Variants in GDPD5 observed in about 807,000 individuals in gnomAD.
The protein encoded by GDPD5 is glycerophosphodiester phosphodiesterase 2.
Under a neutral mutation model 75.1 loss-of-function variants are expected in GDPD5, and 48 were observed. The observed-to-expected ratio is 0.64, with a 90% CI of 0.51 to 0.81. The LOEUF is 0.81. GDPD5 is among the 40% of genes least tolerant of loss of function. The probability of loss-of-function intolerance (pLI) is 0.00; values close to 1 mark genes in which losing one functional copy is unlikely to be tolerated. For synonymous variants in GDPD5, 336 were observed against 339.0 expected (o/e 0.99, Z 0.10); for missense variants, 706 against 822.6 (o/e 0.86, Z 1.73).
intron 2 of GDPD5, 57 bp from the exon 3 acceptor site, chr11:75,477,852 C>G (rs1949813464): frequency 1.7e-6 from 1 of 600,700 alleles, no homozygotes; most frequent in African/African-American, 1.9e-5. Context: ...TCAGGCACCA[C>G]ACAGCAAGTC....
chr11:75,474,009 C>T (rs1381296711), intron 3 of GDPD5, among the ~76,000 whole-genome samples: 1 of 152,172 alleles, frequency 6.6e-6, no homozygotes, highest in Non-Finnish European at 1.5e-5. Flanking sequence ...GGTAGCAGGA[C>T]AGGTTTGTTG....
At chr11:75,441,095 G>T in intron 14 of GDPD5, 68 bp downstream of exon 14, 1 of 1,500,416 alleles carries the variant, frequency 6.7e-7, no homozygotes, top group Non-Finnish European at 9.2e-7. Context: ...AGAGCTTGCC[G>T]AGTGGTCAGG....
chr11:75,475,255 C>A (rs1403253830), intron 3 of GDPD5, among the ~76,000 whole-genome samples: 1 of 152,194 alleles, frequency 6.6e-6, no homozygotes, highest in African/African-American at 2.4e-5. Flanking sequence ...TGAACCCAGG[C>A]TTCTCTGAGT....
chr11:75,485,964 C>G (rs1331004119), intron 2 of GDPD5, among the ~76,000 whole-genome samples: 1 of 152,168 alleles, frequency 6.6e-6, no homozygotes, highest in Non-Finnish European at 1.5e-5. Flanking sequence ...CCGTGGCTGC[C>G]CTCGCGGGGC....
intron 1 of GDPD5, among the ~76,000 whole-genome samples, chr11:75,515,434 T>C (rs535687741): frequency 6.6e-6 from 1 of 152,324 alleles, no homozygotes; most frequent in African/African-American, 2.4e-5. Context: ...AGACTCCCCA[T>C]CACAAGGCCT....
intron 6 of GDPD5, chr11:75,455,217 G>A: frequency 2.2e-6 from 1 of 444,548 alleles, no homozygotes; most frequent in African/African-American, 2.0e-5. Flanking sequence ...CTGAGAGCCA[G>A]GCATGGCCCC....
chr11:75,520,257 G>C (rs1271306642), intron 1 of GDPD5, among the ~76,000 whole-genome samples: 1 of 152,230 alleles, frequency 6.6e-6, no homozygotes, highest in African/African-American at 2.4e-5. Flanking sequence ...CGAGGGGATG[G>C]GCAAGAAGAC....
chr11:75,457,313 T>C (rs1436719527), intron 5 of GDPD5, among the ~76,000 whole-genome samples: 1 of 152,062 alleles, frequency 6.6e-6, no homozygotes, highest in African/African-American at 2.4e-5. Flanking sequence ...GGGGCAAACA[T>C]TCCAGGAAGG....
At chr11:75,444,582 C>G (rs1948940828) in intron 9 of GDPD5, 87 bp from the exon 10 acceptor site, 1 of 1,019,978 alleles carries the variant, frequency 9.8e-7, no homozygotes, top group South Asian at 1.3e-5. Context: ...TGTTGGGAGG[C>G]TGGGCTAGGC....
intron 11 of GDPD5, 50 bp from the exon 12 acceptor site, chr11:75,442,631 G>T (rs1383450629): frequency 6.4e-7 from 1 of 1,569,040 alleles, no homozygotes; most frequent in Non-Finnish European, 8.7e-7. Flanking sequence ...CCCTTTGGGG[G>T]CCCCCACATA....
rs1948861801 is a variant in GDPD5, at chr11:75,442,828, C to T, written c.949-247G>A. On this transcript the variant is annotated intron_variant, in intron 11 of 16. Transcript: ENST00000336898. ...TCGCTCCCAGACCCACAGCATTTCTCCTTCTAGAGCATTTCAGATCAGAGA... is the reference window on the plus strand; with the variant it reads ...TCGCTCCCAGACCCACAGCATTTCTTCTTCTAGAGCATTTCAGATCAGAGA... 2.2e-5 allele frequency: 13 copies of T among 602,270 alleles called. No homozygotes were observed. In the South Asian group the frequency reaches 2.6e-4, roughly 12 times the overall value. The allele number at this position is 602,270 out of a possible 1,614,324, so 37.3% of individuals were successfully genotyped here. A position where few individuals can be genotyped will look rare whatever the true frequency, so the allele number is the denominator to read the frequency against.
chr11:75,458,238 C>T (rs903721103), intron 4 of GDPD5, among the ~76,000 whole-genome samples: 2 of 152,212 alleles, frequency 1.3e-5, no homozygotes, highest in African/African-American at 4.8e-5. Context: ...ACAGGCTTCA[C>T]TGATTCTAAG....
At chr11:75,510,126 G>T (rs1950484773) in intron 1 of GDPD5, among the ~76,000 whole-genome samples, 1 of 152,246 alleles carries the variant, frequency 6.6e-6, no homozygotes, top group African/African-American at 2.4e-5. Flanking sequence ...GAAAGCACGA[G>T]GGGCAAAGTT....
intron 1 of GDPD5, among the ~76,000 whole-genome samples, chr11:75,503,337 A>G (rs1052957675): frequency 4.6e-5 from 7 of 152,212 alleles, no homozygotes; most frequent in African/African-American, 1.7e-4. Flanking sequence ...GTTCCTATAT[A>G]AAGTCACTAA....
intron 4 of GDPD5, 78 bp from the exon 5 acceptor site, chr11:75,457,864 TC>T: frequency 1.8e-6 from 2 of 1,104,910 alleles, no homozygotes; most frequent in South Asian, 1.3e-5. Context: ...GGTCTGAGCC[TC>T]CACACAGACG....
chr11:75,514,670 G>C (rs1950600104), intron 1 of GDPD5, among the ~76,000 whole-genome samples: 2 of 152,232 alleles, frequency 1.3e-5, no homozygotes, highest in African/African-American at 4.8e-5. Context: ...ACTCACTGCA[G>C]GCACTGACAG....
chr11:75,504,780 T>C (rs2135463075), intron 1 of GDPD5, among the ~76,000 whole-genome samples: 1 of 152,288 alleles, frequency 6.6e-6, no homozygotes, highest in African/African-American at 2.4e-5. Flanking sequence ...GTATTTAACA[T>C]GGTTACGATG....
chr11:75,496,049 A>C (rs1950203610), intron 1 of GDPD5, among the ~76,000 whole-genome samples: 1 of 152,204 alleles, frequency 6.6e-6, no homozygotes, highest in African/African-American at 2.4e-5. Flanking sequence ...CCTCTTCCAC[A>C]GACCCTGTAC....
intron 2 of GDPD5, among the ~76,000 whole-genome samples, chr11:75,487,405 G>A (rs1429024985): frequency 4.6e-5 from 7 of 152,236 alleles, no homozygotes; most frequent in Admixed American, 6.5e-5. Context: ...CGGGGAGGAG[G>A]TGCCTGGAAG....
Sources: gnomAD v4.1 joint callset for allele counts (sites outside exome capture counted in the v4.1 genomes callset) on GRCh38, gnomAD v4.1.1 for gene constraint, MANE v1.5 for transcripts, NCBI Gene and HGNC (gene_info 2026-07-23, HGNC 2026-07-21) for gene names.